SMARCA2: variants seen among roughly 807,000 people sequenced by gnomAD.
The protein encoded by SMARCA2 is SWI/SNF-related matrix-associated actin-dependent regulator of chromatin subfamily A member 2.
Under a neutral mutation model 199.8 loss-of-function variants are expected in SMARCA2, and 61 were observed. The ratio of observed to expected loss-of-function variants is 0.31; its 90% CI spans 0.25 to 0.38. The LOEUF (loss-of-function observed/expected upper bound fraction) is 0.38. SMARCA2 is among the 10% of genes least tolerant of loss of function. The pLI, the probability that SMARCA2 is intolerant of heterozygous loss-of-function variation, is 1.00. For synonymous variants in SMARCA2, 935 were observed against 732.0 expected (o/e 1.28, Z -4.48); for missense variants, 1,344 against 2,012.2 (o/e 0.67, Z 6.35).
chr9:2,094,660 A>G (rs1347808723), intron 19 of SMARCA2, among the ~76,000 whole-genome samples: 1 of 152,214 alleles, frequency 6.6e-6, no homozygotes, highest in Non-Finnish European at 1.5e-5. Flanking sequence ...TTCAATAGCT[A>G]TATCTTTGGG....
chr9:2,025,526 T>A (rs140552859), intron 1 of SMARCA2, among the ~76,000 whole-genome samples: 2 of 152,224 alleles, frequency 1.3e-5, no homozygotes, highest in East Asian at 3.9e-4. Flanking sequence ...GGCCCTCTCC[T>A]CCAGCCCACC....
Position 2,056,609 on chromosome 9 carries a change from G to A in SMARCA2, c.1174-63G>A, listed in dbSNP as rs529612137. 1 of 1,486,642 alleles carries A rather than the reference G, an allele frequency of 6.7e-7. No homozygotes were observed. The highest frequency in any genetic ancestry group is 1.4e-5 in the African/African-American group (1 of 71,186). The allele number at this position is 1,486,642 out of a possible 1,614,324, so 92.1% of individuals were successfully genotyped here. A position where few individuals can be genotyped will look rare whatever the true frequency, so the allele number is the denominator to read the frequency against. On this transcript the variant is annotated intron_variant, in intron 6 of 33. Coordinates refer to ENST00000349721, the MANE Select transcript of SMARCA2 (RefSeq NM_003070.5). The surrounding 1 kb of genome is among the most constrained non-coding windows in gnomAD (Gnocchi z 4.0). ...ATTCCATTAAATGCAACCGCGAGAAGGCCAGAGTTCAGGAACCTAGCTTCT... is the reference window on the plus strand; with the variant it reads ...ATTCCATTAAATGCAACCGCGAGAAAGCCAGAGTTCAGGAACCTAGCTTCT...
Position 2,161,958 on chromosome 9 carries a change from C to T in SMARCA2, c.4199+55C>T, listed in dbSNP as rs1376300553. ...TCTCTCACCAAGACGCCGAGTGGCG[C>T]TCCCTGAGGAGCAGGAGTTGTTAAG... On this transcript the variant is annotated intron_variant, in intron 28 of 33. Coordinates refer to ENST00000349721, the MANE Select transcript of SMARCA2 (RefSeq NM_003070.5). This position sits in a 1 kb window ranked among gnomAD's most constrained non-coding sequence, Gnocchi z 4.7. 6 of 1,426,026 alleles carry T rather than the reference C, an allele frequency of 4.2e-6. No individual in the cohort carries two copies. In the South Asian group the frequency reaches 7.2e-5, roughly 17 times the overall value. The allele number at this position is 1,426,026 out of a possible 1,614,324, so 88.3% of individuals were successfully genotyped here. A position where few individuals can be genotyped will look rare whatever the true frequency, so the allele number is the denominator to read the frequency against.
intron 27 of SMARCA2, among the ~76,000 whole-genome samples, chr9:2,133,091 A>T (rs1409197739): frequency 1.3e-5 from 2 of 152,338 alleles, no homozygotes; most frequent in East Asian, 3.9e-4. Context: ...TTCAGCTCTG[A>T]AATCAAACTC....
chr9:2,192,379 AT>A (rs71491993), intron 33 of SMARCA2: 129 of 304,330 alleles, frequency 4.2e-4, no homozygotes, highest in South Asian at 5.6e-4. Flanking sequence ...AATGCAGGGT[AT>A]TTTTTTTTCT....
intron 24 of SMARCA2, among the ~76,000 whole-genome samples, chr9:2,112,015 C>T (rs1424839205): frequency 1.3e-5 from 2 of 152,176 alleles, no homozygotes; most frequent in Admixed American, 6.5e-5. Flanking sequence ...AATATGGTTA[C>T]GTATTTTTAT....
intron 32 of SMARCA2, among the ~76,000 whole-genome samples, chr9:2,188,524 T>C (rs1044218519): frequency 6.6e-5 from 10 of 152,268 alleles, no homozygotes; most frequent in Non-Finnish European, 1.0e-4. Flanking sequence ...ATCTGCATCA[T>C]CTATTTTAGC....
chr9:2,021,600 G>C (rs1040068652), intron 1 of SMARCA2, among the ~76,000 whole-genome samples: 6 of 152,176 alleles, frequency 3.9e-5, no homozygotes, highest in African/African-American at 1.4e-4. Flanking sequence ...TTGTTGAACT[G>C]GACATGTAAT....
chr9:2,018,532 G>A (rs1476205492), intron 1 of SMARCA2, among the ~76,000 whole-genome samples: 1 of 152,234 alleles, frequency 6.6e-6, no homozygotes, highest in Non-Finnish European at 1.5e-5. Context: ...AGGATACACA[G>A]TTTGTTGACT....
chr9:2,189,670 G>C (rs1239833787), intron 32 of SMARCA2, among the ~76,000 whole-genome samples: 1 of 151,884 alleles, frequency 6.6e-6, no homozygotes, highest in Non-Finnish European at 1.5e-5. Flanking sequence ...CCAAAGCAAA[G>C]GGCCCCACCT....
At chr9:2,103,811 T>TG (rs1424804659) in intron 22 of SMARCA2, among the ~76,000 whole-genome samples, 192 bp from the exon 23 acceptor site, 1 of 152,222 alleles carries the variant, frequency 6.6e-6, no homozygotes, top group East Asian at 1.9e-4. Context: ...GGGTTTTATA[T>TG]GAATATATTT....
At chr9:2,043,899 C>A (rs1309563866) in intron 4 of SMARCA2, 2 of 152,192 alleles carry the variant, frequency 1.3e-5, no homozygotes, top group East Asian at 3.9e-4. Context: ...GAAGGGAAAG[C>A]AGATGGCATT....
chr9:2,181,672 T>C lies in SMARCA2; in HGVS notation c.4355T>C (p.Ile1452Thr). 1 of 1,374,884 alleles carries C rather than the reference T, an allele frequency of 7.3e-7. No homozygotes were observed. The highest frequency in any genetic ancestry group is 1.0e-6 in the Non-Finnish European group (1 of 962,554). 85.2% of individuals were successfully genotyped at this position (1,374,884 alleles called of 1,614,324 possible). A position where few individuals can be genotyped will look rare whatever the true frequency, so the allele number is the denominator to read the frequency against. Residue 1452 changes from isoleucine to threonine, a missense_variant, in exon 30 of 34, where the codon ATA becomes ACA. Coordinates refer to ENST00000349721, the MANE Select transcript of SMARCA2 (RefSeq NM_003070.5). ...AGGAAGCCAGTGGATTTCAAAAAAA[T>C]AAAGGTAGATATTTTGTTTACCAAC... ...LIRKPVDFKK[I>T]KERIRNHKYR...
At chr9:2,066,866 G>A (rs1157480838) in intron 9 of SMARCA2, among the ~76,000 whole-genome samples, 2 of 152,222 alleles carry the variant, frequency 1.3e-5, no homozygotes, top group South Asian at 4.1e-4. Flanking sequence ...TCCGAAGTCA[G>A]CTCAAACAGT....
At chr9:2,109,770 A>G (rs1822913687) in intron 23 of SMARCA2, among the ~76,000 whole-genome samples, 2 of 152,242 alleles carry the variant, frequency 1.3e-5, no homozygotes, top group African/African-American at 4.8e-5. Flanking sequence ...ATGGTAAAGT[A>G]GTAGAAAAGA....
chr9:2,144,676 C>T (rs765876722), intron 27 of SMARCA2, among the ~76,000 whole-genome samples: 6 of 152,134 alleles, frequency 3.9e-5, no homozygotes, highest in Admixed American at 6.5e-5. Context: ...AAAAGAGCCC[C>T]GTCTCCAGGA....
chr9:2,041,515 A>G lies in SMARCA2; in HGVS notation c.790+1615A>G, dbSNP rs1448321496. 3.0e-5 allele frequency: 12 copies of G among 397,926 alleles called. No homozygotes were observed. In the Admixed American group the frequency reaches 5.3e-4, roughly 18 times the overall value. 24.6% of individuals were successfully genotyped at this position (397,926 alleles called of 1,614,324 possible). Reference sequence around the variant, plus strand: ...CAATTATGAGGACTCTACTCTCATGAAATAGTCACCTCCCAAAGACCCCAC... The same window carrying G: ...CAATTATGAGGACTCTACTCTCATGGAATAGTCACCTCCCAAAGACCCCAC... On this transcript the variant is annotated intron_variant, in intron 4 of 33. Coordinates refer to ENST00000349721, the MANE Select transcript of SMARCA2 (RefSeq NM_003070.5).
At chr9:2,159,991 G>T in intron 27 of SMARCA2, 1 of 1,537,660 alleles carries the variant, frequency 6.5e-7, no homozygotes, top group Non-Finnish European at 8.8e-7. Flanking sequence ...CACATCAAAA[G>T]CCGGTGTTCT....
intron 9 of SMARCA2, among the ~76,000 whole-genome samples, chr9:2,067,324 G>A (rs1285732595): frequency 6.6e-6 from 1 of 152,178 alleles, no homozygotes; most frequent in Non-Finnish European, 1.5e-5. Flanking sequence ...TATTTATTTA[G>A]CGCCTTTTAA....
Sources: gnomAD v4.1 joint callset for allele counts (sites outside exome capture counted in the v4.1 genomes callset) on GRCh38, gnomAD v4.1.1 for gene constraint, Gnocchi (gnomAD v3.1) non-coding constraint, MANE v1.5 for transcripts, NCBI Gene and HGNC (gene_info 2026-07-23, HGNC 2026-07-21) for gene names.